The following TMEM25 variants were observed in gnomAD, a reference collection of about 807,000 sequenced individuals.
TMEM25 encodes transmembrane protein 25.
A neutral mutation model predicts 37.0 loss-of-function variants in TMEM25; 36 were observed. The observed-to-expected ratio is 0.97, with a 90% CI of 0.75 to 1.28. The LOEUF (loss-of-function observed/expected upper bound fraction) is 1.28. TMEM25 is among the 50% of genes most tolerant of loss of function. The pLI is 0.00. For missense variants in TMEM25, 444 were observed against 477.9 expected (o/e 0.93, Z 0.66); for synonymous variants, 197 against 203.7 (o/e 0.97, Z 0.28).
rs200696399 is a variant in TMEM25, at chr11:118,534,534, A to T, written c.1055A>T (p.Tyr352Phe). 1.0e-4 allele frequency: 161 copies of T among 1,614,016 alleles called. No homozygotes were observed. The highest frequency in any genetic ancestry group is 2.0e-4 in the Admixed American group (12 of 59,996). ...TTCATCCGCCTCCCAGTGCTGGGCT[A>T]TATCTATCGAGTGTCCAGCGTGAGC... ...QGFIRLPVLG[Y>F]IYRVSSVSSD... The change falls in exon 9 of 9, where the codon TAT (tyrosine) becomes TTT (phenylalanine). Residue 352 changes from tyrosine to phenylalanine, a missense_variant. Coordinates refer to ENST00000313236, the MANE Select transcript of TMEM25 (RefSeq NM_032780.4). This position sits in a 1 kb window ranked among gnomAD's most constrained non-coding sequence, Gnocchi z 4.6.
chr11:118,545,356 A>C (rs546465679), intron 8 of TMEM25: 156 of 1,309,390 alleles, frequency 1.2e-4, no homozygotes, highest in Non-Finnish European at 1.7e-4. Context: ...AGAACAGTAG[A>C]AACTATAGTG....
rs1951283663 is a variant in TMEM25 at position 118,531,775 on chromosome 11, C to A, written c.-27C>A. On this transcript the variant is annotated splice_region_variant and 5_prime_UTR_variant, in exon 2 of 9. Coordinates refer to ENST00000313236, the MANE Select transcript of TMEM25 (RefSeq NM_032780.4). ...TGACAGGCCCGCCCCCTTCTCTCAG[C>A]AGCCTAGGGCCTAGGCCCGGGCCAC... 6.5e-7 allele frequency: 1 copy of A among 1,540,434 alleles called. No homozygotes were observed. Among genetic ancestry groups the A allele is most frequent in the Middle Eastern group, 1.7e-4 (1 of 5,952 alleles).
At chr11:118,541,242 C>T (rs1260561716) in intron 8 of TMEM25, among the ~76,000 whole-genome samples, 1 of 152,060 alleles carries the variant, frequency 6.6e-6, no homozygotes, top group Admixed American at 6.6e-5. Context: ...GCGGGCGGAT[C>T]ATGAGGTCAA....
Position 118,534,643 on chromosome 11 carries a change from C to CCT in TMEM25, c.*66_*67dup. 1 of 1,595,548 alleles carries CCT rather than the reference C, an allele frequency of 6.3e-7. No individual in the cohort carries two copies. Among genetic ancestry groups the CCT allele is most frequent in the Non-Finnish European group, 8.6e-7 (1 of 1,168,290 alleles). On this transcript the variant is annotated 3_prime_UTR_variant, in exon 9 of 9. Coordinates refer to ENST00000313236, the MANE Select transcript of TMEM25 (RefSeq NM_032780.4). The surrounding 1 kb of genome is among the most constrained non-coding windows in gnomAD (Gnocchi z 4.6). ...ACACCCTCCCGTTCCTCCAAGGCAT[C>CCT]CTCTACCTAGCTAGGTCACCAACGT...
chr11:118,541,355 G>A (rs962711752), intron 8 of TMEM25, among the ~76,000 whole-genome samples: 1 of 151,644 alleles, frequency 6.6e-6, no homozygotes, highest in South Asian at 2.1e-4. Context: ...CTAACTACTC[G>A]GGAGGCTGAG....
chr11:118,531,276 G>A (rs966246838), intron 1 of TMEM25, 42 bp downstream of exon 1: 5 of 361,682 alleles, frequency 1.4e-5, no homozygotes, highest in African/African-American at 8.8e-5. Context: ...GGGATGCTCG[G>A]CGACCCCACC....
At chr11:118,538,352 A>G (rs1189479375), downstream of TMEM25, among the ~76,000 whole-genome samples, 1 of 151,866 alleles carries the variant, frequency 6.6e-6, no homozygotes, top group East Asian at 2.0e-4. Context: ...TATTTTTACT[A>G]GAGATGAGGT....
intron 8 of TMEM25, chr11:118,545,748 GTC>G: frequency 6.4e-7 from 1 of 1,573,150 alleles, no homozygotes. Flanking sequence ...AGCCTAGAGT[GTC>G]TCTATCCAGA....
chr11:118,545,924 G>C (rs1951673475), intron 8 of TMEM25: 3 of 1,308,418 alleles, frequency 2.3e-6, no homozygotes, highest in South Asian at 1.2e-5. Flanking sequence ...CTCTCTCTCT[G>C]AAGCAAAAGA....
At chr11:118,531,608 C>G in intron 1 of TMEM25, 167 bp from the exon 2 acceptor site, 1 of 601,062 alleles carries the variant, frequency 1.7e-6, no homozygotes, top group Admixed American at 3.0e-5. Context: ...CTGGGTGGGT[C>G]TGTGCCTTTG....
At chr11:118,545,216 CT>C (rs45461900) in intron 8 of TMEM25, among the ~76,000 whole-genome samples, 26,789 of 151,832 alleles carry the variant, frequency 0.18, 2,939 homozygotes, top group East Asian at 0.51. Flanking sequence ...TCCACCCACC[CT>C]TTTTTTTCCT....
chr11:118,540,749 A>G (rs1465293183), downstream of TMEM25, among the ~76,000 whole-genome samples: 2 of 152,166 alleles, frequency 1.3e-5, no homozygotes, highest in Non-Finnish European at 2.9e-5. Context: ...TTTTTTTCAG[A>G]AGACACAGAT....
chr11:118,532,006 T>G (rs1555058833), intron 2 of TMEM25, 135 bp downstream of exon 2: 1 of 1,359,596 alleles, frequency 7.4e-7, no homozygotes, highest in African/African-American at 1.5e-5. Flanking sequence ...CCACCTACCC[T>G]AGGTCCAACC....
exon 9 of TMEM25, chr11:118,546,256 G>T: frequency 1.4e-6 from 1 of 691,086 alleles, no homozygotes; most frequent in South Asian, 1.6e-5. Context: ...CCAGCACTGT[G>T]GGAGGTTGAG....
chr11:118,533,013 C>G lies in TMEM25; in HGVS notation c.479C>G (p.Pro160Arg), dbSNP rs781914419. ...TTTGCCCTGGTGCGTGCCAACCCGC[C>G]GGCCAATGTCACCTGGATCGACCAG... is the stretch of plus-strand genomic sequence containing the variant. Reference protein sequence around the residue: ...VLFALVRANPPANVTWIDQDG... With the variant: ...VLFALVRANPRANVTWIDQDG... The change falls in exon 4 of 9, where the codon CCG becomes CGG. Residue 160 changes from proline (P) to arginine (R), a missense_variant. Pro to Arg is a moderately radical substitution (Grantham distance 103). Transcript: ENST00000313236. 1.9e-6 allele frequency: 3 copies of G among 1,614,252 alleles called. No homozygotes were observed. The highest frequency in any genetic ancestry group is 1.3e-5 in the African/African-American group (1 of 75,062).
chr11:118,534,836 ATGTG>A lies in TMEM25; in HGVS notation c.*257_*260del. The A allele has an allele frequency of 7.4e-7, 1 of 1,350,382 alleles. No homozygotes were observed. Among genetic ancestry groups the A allele is most frequent in the South Asian group, 1.6e-5 (1 of 61,836 alleles). The allele number at this position is 1,350,382 out of a possible 1,614,324, so 83.6% of individuals were successfully genotyped here. On this transcript the variant is annotated 3_prime_UTR_variant, in exon 9 of 9. Transcript: ENST00000313236. This position sits in a 1 kb window ranked among gnomAD's most constrained non-coding sequence, Gnocchi z 4.6. ...CATGCTGACTCAGGGTGGGCCCTGC[ATGTG>A]ATGACTGGGCCCTTCCAGAGGGAGC...
At chr11:118,531,929 C>A in intron 2 of TMEM25, 58 bp downstream of exon 2, 1 of 1,539,120 alleles carries the variant, frequency 6.5e-7, no homozygotes, top group Non-Finnish European at 8.8e-7. Context: ...CCCCTCTCTC[C>A]CCTGTCTGCA....
chr11:118,534,390 G>GC lies in TMEM25; in HGVS notation c.1027+41dup, dbSNP rs1555062007. 6.2e-7 allele frequency: 1 copy of GC among 1,611,304 alleles called. No homozygotes were observed. The highest frequency in any genetic ancestry group is 1.3e-5 in the African/African-American group (1 of 74,852). On this transcript the variant is annotated intron_variant, in intron 8 of 8. Transcript: ENST00000313236. The surrounding 1 kb of genome is among the most constrained non-coding windows in gnomAD (Gnocchi z 4.6). ...AAGGGGCCTGCCACCCTCCTCCTCT[G>GC]CCCCCCAGCCCTGTGCTTATGCCAG...
rs1951655695 is a variant in TMEM25, at chr11:118,545,440, A to G, written c.1028-679A>G. 6.2e-7 allele frequency: 1 copy of G among 1,613,594 alleles called. No homozygotes were observed. Among genetic ancestry groups the G allele is most frequent in the African/African-American group, 1.3e-5 (1 of 74,922 alleles). ...GTTCTTGAATTCTGAGTAGAGGGAA[A>G]AGAGCAGATGGAGGGACTGGATCCG... On this transcript the variant is annotated intron_variant, in intron 8 of 8. Coordinates refer to the TMEM25 transcript ENST00000354284.
Sources: gnomAD v4.1 joint callset for allele counts (sites outside exome capture counted in the v4.1 genomes callset) on GRCh38, gnomAD v4.1.1 for gene constraint, Gnocchi (gnomAD v3.1) non-coding constraint, MANE v1.5 for transcripts, NCBI Gene and HGNC (gene_info 2026-07-23, HGNC 2026-07-21) for gene names.